Variants in CREG2 observed in about 807,000 individuals in gnomAD.
CREG2 encodes the protein protein CREG2.
A neutral mutation model predicts 26.2 loss-of-function variants in CREG2; 24 were observed. The observed-to-expected ratio is 0.92, with a 90% CI of 0.66 to 1.29. The LOEUF (loss-of-function observed/expected upper bound fraction) is 1.29, where lower values mean the gene tolerates loss of function less well. Among genes scored for constraint, CREG2 ranks in the 50% most tolerant of loss-of-function variants. The pLI is 0.00. For missense variants in CREG2, 366 were observed against 398.6 expected, an observed-to-expected ratio of 0.92 and a Z score of 0.70; for synonymous variants, 174 against 169.2, an observed-to-expected ratio of 1.03 and a Z score of -0.22.
chr2:101,377,004 G>A (rs751785622), intron 2 of CREG2, among the ~76,000 whole-genome samples: 3 of 152,146 alleles, frequency 2.0e-5, no homozygotes, highest in African/African-American at 4.8e-5. Flanking sequence ...TGAATATAGA[G>A]AAGTTCCATT....
Position 101,387,502 on chromosome 2 carries a change from G to T in CREG2, c.-45C>A. 1 of 664,552 alleles carries T rather than the reference G, an allele frequency of 1.5e-6. No individual in the cohort carries two copies. The highest frequency in any genetic ancestry group is 2.1e-6 in the Non-Finnish European group (1 of 480,792). 41.2% of individuals were successfully genotyped at this position (664,552 alleles called of 1,614,324 possible). A position where few individuals can be genotyped will look rare whatever the true frequency, so the allele number is the denominator to read the frequency against. ...GCCGCCGGGGCCGCCAGCAGCGCTA[G>T]TGCCGGGGAGCCCGGCAGCGCCCCA... On this transcript the variant is annotated 5_prime_UTR_variant, in exon 1 of 4. Transcript: ENST00000324768. This position sits in a 1 kb window ranked among gnomAD's most constrained non-coding sequence, Gnocchi z 4.7.
At position 101,350,955 on chromosome 2, in the gene CREG2, C is replaced by T. The variant is rs1428205715; in HGVS notation, c.841G>A (p.Glu281Lys). ...YGGASSISRE[E>K]YFKAVPRKA ...TTTCTGGGAACTGCTTTGAAATATT[C>T]CTCCCTTGAAATACTGGATGCGCCT... The change falls in exon 4 of 4, where the codon GAA (glutamate) becomes AAA (lysine). Residue 281 changes from glutamate to lysine, a missense_variant. Glu to Lys is a moderately conservative substitution (Grantham distance 56). Around this residue, in one of 3 missense-constraint regions of CREG2, gnomAD observed 174 missense variants for 178.2 expected, o/e 0.98. Transcript: ENST00000324768. 1.2e-6 allele frequency: 2 copies of T among 1,614,162 alleles called. No individual in the cohort carries two copies. The highest frequency in any genetic ancestry group is 1.7e-6 in the Non-Finnish European group (2 of 1,180,016).
At chr2:101,357,492 G>T (rs897281339) in intron 2 of CREG2, among the ~76,000 whole-genome samples, 4 of 152,190 alleles carry the variant, frequency 2.6e-5, no homozygotes, top group Non-Finnish European at 4.4e-5. Flanking sequence ...GCCTTATGCT[G>T]TTGCAAGCTG....
chr2:101,368,676 T>C (rs963343340), intron 2 of CREG2, among the ~76,000 whole-genome samples: 3 of 152,156 alleles, frequency 2.0e-5, no homozygotes, highest in Non-Finnish European at 4.4e-5. Flanking sequence ...AGGAATCAGA[T>C]AAGGTGGTGG....
At chr2:101,351,797 T>A (rs1438314469) in intron 3 of CREG2, among the ~76,000 whole-genome samples, 2 of 152,202 alleles carry the variant, frequency 1.3e-5, no homozygotes, top group African/African-American at 2.4e-5. Flanking sequence ...CTAAAAAATG[T>A]CATAAACATA....
At chr2:101,359,634 G>A (rs1322897137) in intron 2 of CREG2, among the ~76,000 whole-genome samples, 2 of 152,138 alleles carry the variant, frequency 1.3e-5, no homozygotes, top group Non-Finnish European at 2.9e-5. Flanking sequence ...TTCCTGGTGG[G>A]GGTGGGATTG....
At chr2:101,372,999 G>A (rs1282108669) in intron 2 of CREG2, among the ~76,000 whole-genome samples, 1 of 152,206 alleles carries the variant, frequency 6.6e-6, no homozygotes, top group Non-Finnish European at 1.5e-5. Context: ...ACAAGTGTTG[G>A]TGAGGACAAA....
chr2:101,383,204 T>C, intron 2 of CREG2: 1 of 355,602 alleles, frequency 2.8e-6, no homozygotes, highest in South Asian at 3.1e-5. Context: ...CTCGCCCTTT[T>C]CCATAACAAC....
chr2:101,378,785 G>A (rs1040827472), intron 2 of CREG2, among the ~76,000 whole-genome samples: 4 of 152,076 alleles, frequency 2.6e-5, no homozygotes, highest in African/African-American at 4.8e-5. Context: ...GAGGCGGGGG[G>A]ATCACGAGGT....
At chr2:101,366,660 A>G (rs921566418) in intron 2 of CREG2, among the ~76,000 whole-genome samples, 4 of 152,062 alleles carry the variant, frequency 2.6e-5, no homozygotes, top group African/African-American at 9.7e-5. Context: ...CATCTCTACT[A>G]AAAATACAAA....
intron 2 of CREG2, among the ~76,000 whole-genome samples, chr2:101,369,567 A>G (rs933286594): frequency 6.6e-6 from 1 of 152,130 alleles, no homozygotes; most frequent in African/African-American, 2.4e-5. Context: ...GACAGAGAAG[A>G]CACCACTGGC....
chr2:101,385,259 T>C (rs1274746209), intron 1 of CREG2, among the ~76,000 whole-genome samples: 1 of 152,228 alleles, frequency 6.6e-6, no homozygotes, highest in Non-Finnish European at 1.5e-5. Context: ...TTTGGCTCAC[T>C]GCAGCCTCCG....
At chr2:101,359,363 C>T (rs1359079064) in intron 2 of CREG2, among the ~76,000 whole-genome samples, 1 of 152,166 alleles carries the variant, frequency 6.6e-6, no homozygotes, top group Non-Finnish European at 1.5e-5. Flanking sequence ...TACACATGCT[C>T]ACTTGAGATG....
At chr2:101,368,230 G>A (rs1338459786) in intron 2 of CREG2, among the ~76,000 whole-genome samples, 1 of 151,226 alleles carries the variant, frequency 6.6e-6, no homozygotes, top group African/African-American at 2.4e-5. Flanking sequence ...GGAGCTTGCA[G>A]TGAGCCGAGA....
intron 1 of CREG2, among the ~76,000 whole-genome samples, chr2:101,385,412 C>T (rs182612067): frequency 4.6e-3 from 697 of 152,168 alleles, no homozygotes; most frequent in Non-Finnish European, 7.2e-3. Flanking sequence ...AACTCCTGAC[C>T]TCAAGTGATC....
intron 2 of CREG2, among the ~76,000 whole-genome samples, chr2:101,378,794 G>C (rs1684827378): frequency 6.6e-6 from 1 of 152,070 alleles, no homozygotes; most frequent in Non-Finnish European, 1.5e-5. Flanking sequence ...GGATCACGAG[G>C]TCAGGAGTTC....
chr2:101,366,045 T>C (rs925808836), intron 2 of CREG2, among the ~76,000 whole-genome samples: 2 of 152,238 alleles, frequency 1.3e-5, no homozygotes, highest in Non-Finnish European at 2.9e-5. Context: ...ATCTTGTCTA[T>C]GAGAATATGA....
chr2:101,374,646 A>G (rs950690889), intron 2 of CREG2, among the ~76,000 whole-genome samples: 1 of 152,224 alleles, frequency 6.6e-6, no homozygotes, highest in Admixed American at 6.5e-5. Flanking sequence ...TTAGCAAGCC[A>G]GCTGCTGCAA....
At chr2:101,381,827 T>C (rs886382895) in intron 2 of CREG2, among the ~76,000 whole-genome samples, 2 of 152,150 alleles carry the variant, frequency 1.3e-5, no homozygotes, top group African/African-American at 4.8e-5. Flanking sequence ...GTCCTACATG[T>C]GGCCTGTCAT....
Sources: gnomAD v4.1 joint callset for allele counts (sites outside exome capture counted in the v4.1 genomes callset) on GRCh38, gnomAD v4.1.1 for gene constraint, gnomAD v4.1.1 regional missense constraint, Gnocchi (gnomAD v3.1) non-coding constraint, MANE v1.5 for transcripts, NCBI Gene and HGNC (gene_info 2026-07-23, HGNC 2026-07-21) for gene names.